Variants in CADM2 observed in about 807,000 individuals in gnomAD.
CADM2 encodes the protein cell adhesion molecule 2, also known as immunoglobulin superfamily member 4D.
In CADM2, 12 loss-of-function variants were observed where a neutral mutation model predicts 49.8. That is an observed-to-expected ratio of 0.24 (90% confidence interval 0.15 to 0.39). The LOEUF (loss-of-function observed/expected upper bound fraction) is 0.39, where lower values mean the gene tolerates loss of function less well. Among genes scored for constraint, CADM2 ranks in the 10% least tolerant of loss-of-function variants. The pLI is 1.00. For missense variants in CADM2, 378 were observed against 492.3 expected, an observed-to-expected ratio of 0.77 and a Z score of 2.20; for synonymous variants, 214 against 175.4, an observed-to-expected ratio of 1.22 and a Z score of -1.74.
At chr3:85,952,922 T>C (rs1723624234) in intron 7 of CADM2, among the ~76,000 whole-genome samples, 1 of 150,992 alleles carries the variant, frequency 6.6e-6, no homozygotes, top group African/African-American at 2.4e-5. Context: ...CAAAATAAGA[T>C]AATTTCATTT....
intron 1 of CADM2, among the ~76,000 whole-genome samples, chr3:85,186,568 G>A (rs2041070138): frequency 1.3e-5 from 2 of 152,024 alleles, no homozygotes; most frequent in Non-Finnish European, 2.9e-5. Flanking sequence ...ACAGGGCAGT[G>A]CTTCTAAAAT....
chr3:85,585,643 C>T (rs544635111), intron 1 of CADM2, among the ~76,000 whole-genome samples: 1 of 152,082 alleles, frequency 6.6e-6, no homozygotes, highest in East Asian at 1.9e-4. Context: ...TAAGGGGGAT[C>T]TACTGTAACA....
In CADM2 at chr3:85,044,315, C is replaced by A. The variant is rs112268980; in HGVS notation, c.61+84647C>A. 1.9e-4 allele frequency among the ~76,000 whole-genome samples: 29 copies of A among 152,212 alleles called. 1 individual carries two copies. Among genetic ancestry groups the A allele is most frequent in the African/African-American group, 6.7e-4 (28 of 41,540 alleles). On this transcript the variant is annotated intron_variant, in intron 1 of 9. Transcript: ENST00000383699. Reference sequence around the variant, plus strand: ...AGTAAAAGAAATTAATCCCCCTACCCCCCACCATAAAAAAAGACCTGGGTA... The same window carrying A: ...AGTAAAAGAAATTAATCCCCCTACCACCCACCATAAAAAAAGACCTGGGTA...
At chr3:85,274,851 T>A (rs2043320537) in intron 1 of CADM2, among the ~76,000 whole-genome samples, 1 of 151,188 alleles carries the variant, frequency 6.6e-6, no homozygotes, top group South Asian at 2.1e-4. Flanking sequence ...TCTAGTCTGG[T>A]TAGGGGAATT....
At chr3:85,212,840 T>C (rs12637986) in intron 1 of CADM2, among the ~76,000 whole-genome samples, 8 of 110,230 alleles carry the variant, frequency 7.3e-5, no homozygotes, top group East Asian at 2.5e-4. Context: ...CTTTCTTTCT[T>C]TCTTTCTTTC....
chr3:85,520,871 G>A (rs2061012999), intron 1 of CADM2, among the ~76,000 whole-genome samples: 1 of 151,954 alleles, frequency 6.6e-6, no homozygotes, highest in Admixed American at 6.6e-5. Flanking sequence ...TTTTCATGGT[G>A]GAAAAGTTTT....
chr3:85,494,093 T>C (rs1301594923), intron 1 of CADM2, among the ~76,000 whole-genome samples: 1 of 152,138 alleles, frequency 6.6e-6, no homozygotes, highest in Non-Finnish European at 1.5e-5. Flanking sequence ...TTATAAACTT[T>C]TCGGATAGGG....
chr3:85,599,637 C>T (rs1044154259), intron 1 of CADM2, among the ~76,000 whole-genome samples: 3 of 151,594 alleles, frequency 2.0e-5, no homozygotes, highest in African/African-American at 7.3e-5. Flanking sequence ...CAATTATTTT[C>T]TGTTAAAATT....
At chr3:85,425,077 C>CATGTTTTAGTTA (rs2036340021) in intron 1 of CADM2, among the ~76,000 whole-genome samples, 1 of 152,028 alleles carries the variant, frequency 6.6e-6, no homozygotes, top group African/African-American at 2.4e-5. Flanking sequence ...TGTTTTATTA[C>CATGTTTTAGTTA]GATATAAATG....
At chr3:85,763,151 C>T (rs931660425) in intron 2 of CADM2, among the ~76,000 whole-genome samples, 1 of 152,100 alleles carries the variant, frequency 6.6e-6, no homozygotes, top group Non-Finnish European at 1.5e-5. Flanking sequence ...TGCATCATTG[C>T]AATACTCTGC....
chr3:85,885,956 C>CAT (rs1337140708), intron 4 of CADM2, among the ~76,000 whole-genome samples: 1 of 151,244 alleles, frequency 6.6e-6, no homozygotes, highest in Non-Finnish European at 1.5e-5. Flanking sequence ...TATCTGTACA[C>CAT]ATATATATGT....
chr3:84,966,681 G>T (rs1009978761), intron 1 of CADM2, among the ~76,000 whole-genome samples: 45 of 152,148 alleles, frequency 3.0e-4, no homozygotes, highest in African/African-American at 9.9e-4. Flanking sequence ...CATAGAGAGA[G>T]GGGGCCATTA....
At chr3:85,527,658 A>T (rs1295901867) in intron 1 of CADM2, among the ~76,000 whole-genome samples, 5 of 152,014 alleles carry the variant, frequency 3.3e-5, no homozygotes, top group Non-Finnish European at 5.9e-5. Context: ...TTAGTTTCTG[A>T]TTCAGCATGT....
chr3:85,172,997 C>CT lies in CADM2; in HGVS notation c.61+213342dup, dbSNP rs1160127798. Among the ~76,000 whole-genome samples the CT allele has an allele frequency of 9.3e-4, 128 of 137,270 alleles. 1 individual carries two copies. Among genetic ancestry groups the CT allele is most frequent in the East Asian group, 2.7e-3 (13 of 4,858 alleles). 90.1% of individuals were successfully genotyped at this position (137,270 alleles called of 152,430 possible). On this transcript the variant is annotated intron_variant, in intron 1 of 9. Coordinates refer to ENST00000383699, the MANE Select transcript of CADM2 (RefSeq NM_001167675.2). The stretch of plus-strand genomic sequence containing the variant: ...TCCCAATTTCTGAAATATCTAATAC[C>CT]TTTTTTTTTTTTTCTGAGATGGAGT...
intron 1 of CADM2, among the ~76,000 whole-genome samples, chr3:84,987,021 C>T (rs1212849753): frequency 1.3e-5 from 2 of 151,900 alleles, no homozygotes; most frequent in East Asian, 3.9e-4. Context: ...CATTGCACTC[C>T]AGCCTGGGCA....
intron 1 of CADM2, among the ~76,000 whole-genome samples, chr3:85,253,484 G>T (rs1007135428): frequency 1.3e-5 from 2 of 151,958 alleles, no homozygotes; most frequent in African/African-American, 2.4e-5. Flanking sequence ...TAAGGTAGCA[G>T]CAAAGATCTA....
intron 1 of CADM2, among the ~76,000 whole-genome samples, chr3:85,418,000 C>T (rs1045537691): frequency 9.2e-5 from 14 of 152,008 alleles, no homozygotes; most frequent in African/African-American, 3.4e-4. Flanking sequence ...GGAACCAAAG[C>T]TATACCACAC....
chr3:85,637,636 T>TAAAATA (rs373000793), intron 1 of CADM2, among the ~76,000 whole-genome samples: 1 of 147,586 alleles, frequency 6.8e-6, no homozygotes, highest in Non-Finnish European at 1.5e-5. Flanking sequence ...TAAAATAAAA[T>TAAAATA]AAATAAATAA....
chr3:85,021,572 C>T (rs764094313), intron 1 of CADM2, among the ~76,000 whole-genome samples: 7 of 152,022 alleles, frequency 4.6e-5, no homozygotes, highest in Non-Finnish European at 8.8e-5. Flanking sequence ...GTCAGGTGTT[C>T]GAGACCAGCC....
Sources: allele counts gnomAD v4.1 joint callset (sites outside exome capture counted in the v4.1 genomes callset), GRCh38; gene constraint gnomAD v4.1.1; transcripts MANE v1.5; gene names NCBI Gene and HGNC (gene_info 2026-07-23, HGNC 2026-07-21).